Variants in BICD1 observed in about 807,000 individuals in gnomAD.
BICD1 encodes BICD cargo adaptor 1, also known as protein bicaudal D homolog 1.
BICD1 carries 35 observed loss-of-function variants against 92.5 expected under a neutral mutation model. The ratio of observed to expected loss-of-function variants is 0.38; its 90% CI spans 0.29 to 0.50. The LOEUF is 0.50. Ranked by LOEUF, BICD1 falls within the 20% of genes least tolerant of loss-of-function variation. BICD1 has a pLI of 0.93. For missense variants in BICD1, 950 were observed against 1,189.8 expected (o/e 0.80, Z 2.97); for synonymous variants, 429 against 465.1 (o/e 0.92, Z 1.00).
At chr12:32,197,083 A>G (rs1472440426) in intron 1 of BICD1, among the ~76,000 whole-genome samples, 1 of 150,846 alleles carries the variant, frequency 6.6e-6, no homozygotes. Flanking sequence ...ATCTCAGCTC[A>G]CTACAACCTC....
chr12:32,377,717 G>C lies in BICD1; in HGVS notation c.*90G>C, dbSNP rs202119794. 17 of 1,174,208 alleles carry C rather than the reference G, an allele frequency of 1.4e-5. No homozygotes were observed. The highest frequency in any genetic ancestry group is 2.0e-5 in the Non-Finnish European group (16 of 787,926). 72.7% of individuals were successfully genotyped at this position (1,174,208 alleles called of 1,614,324 possible). A position where few individuals can be genotyped will look rare whatever the true frequency, so the allele number is the denominator to read the frequency against. ...AAGATCCAGCGGGTGTTTTCTTCTC[G>C]GTTGTTAGATGTACAATTGGATTAA... On this transcript the variant is annotated 3_prime_UTR_variant, in exon 10 of 10. Transcript: ENST00000652176.
chr12:32,290,936 G>A (rs552164899), intron 2 of BICD1, among the ~76,000 whole-genome samples: 1 of 152,188 alleles, frequency 6.6e-6, no homozygotes, highest in African/African-American at 2.4e-5. Flanking sequence ...TTTAACATCT[G>A]TCTTTACACC....
chr12:32,261,159 C>T (rs564774578), intron 2 of BICD1, among the ~76,000 whole-genome samples: 1 of 152,296 alleles, frequency 6.6e-6, no homozygotes, highest in East Asian at 1.9e-4. Context: ...ATTGATTCCT[C>T]CATCTCACTG....
intron 1 of BICD1, among the ~76,000 whole-genome samples, chr12:32,128,161 C>T (rs1796855775): frequency 6.6e-6 from 1 of 152,236 alleles, no homozygotes; most frequent in South Asian, 2.1e-4. Context: ...GCCTCCGCCT[C>T]CCAAAGTGTT....
chr12:32,146,816 T>TCCCC (rs1943119303), intron 1 of BICD1, among the ~76,000 whole-genome samples: 5 of 121,092 alleles, frequency 4.1e-5, no homozygotes, highest in South Asian at 3.2e-4. Flanking sequence ...CTTTCCTCCC[T>TCCCC]CCCTCCCTCC....
chr12:32,290,238 T>G (rs1307506448), intron 2 of BICD1, among the ~76,000 whole-genome samples: 2 of 151,184 alleles, frequency 1.3e-5, no homozygotes, highest in African/African-American at 4.9e-5. Flanking sequence ...GCTTCAGGAT[T>G]GATGATTACA....
chr12:32,282,236 T>TTTC, intron 2 of BICD1, among the ~76,000 whole-genome samples: 1 of 85,152 alleles, frequency 1.2e-5, no homozygotes, highest in Non-Finnish European at 2.4e-5. Context: ...TTTTTTTTTT[T>TTTC]TTGACACAGG....
intron 2 of BICD1, among the ~76,000 whole-genome samples, chr12:32,252,075 T>TAA: frequency 5.5e-5 from 2 of 36,256 alleles, no homozygotes; most frequent in African/African-American, 1.6e-4. Flanking sequence ...ATATTTATAA[T>TAA]ATATATTTAT....
chr12:32,288,232 T>TC (rs1269460107), intron 2 of BICD1, among the ~76,000 whole-genome samples: 1 of 112,936 alleles, frequency 8.9e-6, no homozygotes, highest in Non-Finnish European at 1.9e-5. Context: ...AATTTTTTTT[T>TC]TTTTTTTTTT....
chr12:32,234,551 G>C (rs1485278248), intron 2 of BICD1, among the ~76,000 whole-genome samples: 1 of 145,532 alleles, frequency 6.9e-6, no homozygotes, highest in African/African-American at 2.6e-5. Context: ...AGCCAAGATC[G>C]CACCACTGCG....
chr12:32,240,428 G>A (rs371116771), intron 2 of BICD1, among the ~76,000 whole-genome samples: 5 of 152,086 alleles, frequency 3.3e-5, no homozygotes, highest in African/African-American at 1.2e-4. Context: ...CTTGCATTCT[G>A]TGTGTTCACT....
chr12:32,375,846 T>C (rs1290543679), intron 9 of BICD1, among the ~76,000 whole-genome samples: 1 of 152,192 alleles, frequency 6.6e-6, no homozygotes, highest in East Asian at 1.9e-4. Context: ...TTTTAATGAC[T>C]CCATTACATT....
Position 32,221,356 on chromosome 12 carries a change from A to AAATAAAT in BICD1, c.426+4899_426+4900insTAAATAA, listed in dbSNP as rs10687306. Among the ~76,000 whole-genome samples, 271 of 149,844 alleles carry AAATAAAT rather than the reference A, an allele frequency of 1.8e-3. 2 individuals carry two copies. In the East Asian group the frequency reaches 0.032, roughly 18 times the overall value. On this transcript the variant is annotated intron_variant, in intron 2 of 9. Coordinates refer to ENST00000652176, the MANE Select transcript of BICD1 (RefSeq NM_001714.4). ...CGTTATCTGTATCACAAAAAATAAA[A>AAATAAAT]AAATAAATAAATAAATAAATAAAAA... is the stretch of plus-strand genomic sequence containing the variant.
chr12:32,214,478 T>A lies in BICD1; in HGVS notation c.214-1769T>A, dbSNP rs545467958. Among the ~76,000 whole-genome samples, 10 of 152,368 alleles carry A rather than the reference T, an allele frequency of 6.6e-5. No homozygotes were observed. In the South Asian group the frequency reaches 1.9e-3, roughly 28 times the overall value. ...AACAATAAGTTTATCTACTTATTAA[T>A]ACTTCCACTTACAATTCAATACCAC... On this transcript the variant is annotated intron_variant, in intron 1 of 9. Transcript: ENST00000652176.
intron 1 of BICD1, among the ~76,000 whole-genome samples, chr12:32,171,451 G>A (rs934067130): frequency 6.6e-6 from 1 of 152,220 alleles, no homozygotes; most frequent in African/African-American, 2.4e-5. Flanking sequence ...AGAGCTAGAT[G>A]GTGATGCTTT....
chr12:32,181,141 C>T (rs73076280), intron 1 of BICD1, among the ~76,000 whole-genome samples: 8,280 of 151,772 alleles, frequency 0.055, 319 homozygotes, highest in South Asian at 0.11. Flanking sequence ...CACTTTTGGC[C>T]GGGCAGAGTG....
At chr12:32,325,859 G>C (rs1948763479) in intron 4 of BICD1, among the ~76,000 whole-genome samples, 1 of 151,906 alleles carries the variant, frequency 6.6e-6, no homozygotes. Flanking sequence ...GAGGTGGGCG[G>C]ATCACGAGGT....
intron 2 of BICD1, among the ~76,000 whole-genome samples, chr12:32,233,457 C>T (rs563749962): frequency 1.7e-4 from 26 of 151,850 alleles, no homozygotes; most frequent in Non-Finnish European, 3.2e-4. Flanking sequence ...ATGCGGAACT[C>T]GTATGGTGTA....
At chr12:32,297,505 GAA>G (rs146545924) in intron 3 of BICD1, among the ~76,000 whole-genome samples, 12,626 of 152,070 alleles carry the variant, frequency 0.083, 648 homozygotes, top group East Asian at 0.18. Context: ...CCTAATTAAT[GAA>G]GTGTTAAGTA....
Sources: allele counts gnomAD v4.1 joint callset (sites outside exome capture counted in the v4.1 genomes callset), GRCh38; gene constraint gnomAD v4.1.1; transcripts MANE v1.5; gene names NCBI Gene and HGNC (gene_info 2026-07-23, HGNC 2026-07-21).